Variants in RHOBTB3 observed in about 807,000 individuals in gnomAD.
RHOBTB3 encodes the protein Rho related BTB domain containing 3, also known as rho-related BTB domain-containing protein 3.
A neutral mutation model predicts 67.2 loss-of-function variants in RHOBTB3; 47 were observed. That is an observed-to-expected ratio of 0.70 (90% CI 0.55 to 0.89). The LOEUF (loss-of-function observed/expected upper bound fraction) is 0.89, where lower values mean the gene tolerates loss of function less well. Ranked by LOEUF, RHOBTB3 falls within the 40% of genes least tolerant of loss-of-function variation. The probability of loss-of-function intolerance (pLI) is 0.00; values close to 1 mark genes in which losing one functional copy is unlikely to be tolerated. For synonymous variants in RHOBTB3, 273 were observed against 274.2 expected (o/e 1.00, Z 0.04); for missense variants, 631 against 750.0 (o/e 0.84, Z 1.85).
At chr5:95,781,841 C>G (rs1305563975) in intron 9 of RHOBTB3, 1 of 120,702 alleles carries the variant, frequency 8.3e-6, no homozygotes, top group East Asian at 2.1e-4. Flanking sequence ...CCGAGTGAGA[C>G]TCCGTCTCAA....
At chr5:95,721,825 A>G (rs938636010) in intron 1 of RHOBTB3, among the ~76,000 whole-genome samples, 1 of 152,178 alleles carries the variant, frequency 6.6e-6, no homozygotes, top group African/African-American at 2.4e-5. Flanking sequence ...AAATTGTTAA[A>G]TGTTTCAGCT....
chr5:95,764,298 C>T (rs1745481038), intron 7 of RHOBTB3, among the ~76,000 whole-genome samples: 1 of 152,174 alleles, frequency 6.6e-6, no homozygotes, highest in African/African-American at 2.4e-5. Context: ...TGCCTTCTCA[C>T]TCCTCACAAT....
At chr5:95,736,448 G>A (rs900884657) in intron 2 of RHOBTB3, among the ~76,000 whole-genome samples, 83 of 152,198 alleles carry the variant, frequency 5.5e-4, no homozygotes, top group Admixed American at 4.6e-4. Flanking sequence ...AATTTAAAAT[G>A]TATTGCAGTT....
intron 3 of RHOBTB3, among the ~76,000 whole-genome samples, chr5:95,746,851 G>T (rs777602644): frequency 2.0e-5 from 3 of 152,126 alleles, no homozygotes; most frequent in Non-Finnish European, 4.4e-5. Context: ...AATTATCTAA[G>T]CCATGTGTGT....
At chr5:95,739,364 G>A (rs1755539291) in intron 3 of RHOBTB3, among the ~76,000 whole-genome samples, 1 of 151,932 alleles carries the variant, frequency 6.6e-6, no homozygotes, top group Admixed American at 6.6e-5. Context: ...CTTCTTTTTG[G>A]TCTCTTTAAG....
intron 1 of RHOBTB3, among the ~76,000 whole-genome samples, chr5:95,720,732 A>C (rs1050015450): frequency 6.6e-6 from 1 of 152,060 alleles, no homozygotes; most frequent in African/African-American, 2.4e-5. Context: ...TTTTGTTCAT[A>C]GATAGACTCG....
chr5:95,731,416 G>T lies in RHOBTB3; in HGVS notation c.-267G>T. ...AGCTGCGTCCACTTGGGGCTGTGCG[G>T]CGGTCCCGCGCCCGGCGATGTTCCC... On this transcript the variant is annotated 5_prime_UTR_variant, in exon 1 of 12. Coordinates refer to ENST00000379982, the MANE Select transcript of RHOBTB3 (RefSeq NM_014899.4). 8.4e-7 allele frequency: 1 copy of T among 1,189,452 alleles called. No homozygotes were observed. Among genetic ancestry groups the T allele is most frequent in the African/African-American group, 1.6e-5 (1 of 62,408 alleles). The allele number at this position is 1,189,452 out of a possible 1,614,324, so 73.7% of individuals were successfully genotyped here.
chr5:95,731,584 G>GA lies in RHOBTB3; in HGVS notation c.-98dup, dbSNP rs932453073. 16 of 1,565,346 alleles carry GA rather than the reference G, an allele frequency of 1.0e-5. No homozygotes were observed. The highest frequency in any genetic ancestry group is 1.4e-5 in the Non-Finnish European group (16 of 1,156,100). ...GGCGCGCGAGGGGGACGCGGCCGGG[G>GA]ATGAGCGGATTGCGGGTGAACTCGC... On this transcript the variant is annotated 5_prime_UTR_variant, in exon 1 of 12. In the 5' UTR this introduces an upstream ATG that the reference lacks. Transcript: ENST00000379982.
intron 10 of RHOBTB3, among the ~76,000 whole-genome samples, chr5:95,787,146 C>G (rs1746245886): frequency 6.6e-6 from 1 of 152,142 alleles, no homozygotes; most frequent in African/African-American, 2.4e-5. Context: ...TTTCTGTGAC[C>G]TCCCTTTTCC....
intron 10 of RHOBTB3, among the ~76,000 whole-genome samples, chr5:95,787,259 A>G (rs1417670591): frequency 8.5e-5 from 13 of 152,136 alleles, no homozygotes; most frequent in Non-Finnish European, 1.5e-5. Flanking sequence ...TAAAAAGCTG[A>G]AGGTTCTTAT....
Position 95,748,394 on chromosome 5 carries a change from T to G in RHOBTB3, c.477T>G (p.Thr159=), listed in dbSNP as rs773687458. Residue 159 remains threonine (T), a synonymous_variant, in exon 4 of 12, where the codon ACT becomes ACG. Coordinates refer to ENST00000379982, the MANE Select transcript of RHOBTB3 (RefSeq NM_014899.4). ...TSDRGSCVST[T]EGIQLAKELG... Reference sequence around the variant, plus strand: ...ACAGAGGGAGCTGTGTTAGTACAACTGAAGGGATCCAACTTGCAAAAGAAC... The same window carrying G: ...ACAGAGGGAGCTGTGTTAGTACAACGGAAGGGATCCAACTTGCAAAAGAAC... 2 of 1,613,610 alleles carry G rather than the reference T, an allele frequency of 1.2e-6. No individual in the cohort carries two copies. Among genetic ancestry groups the G allele is most frequent in the Admixed American group, 1.7e-5 (1 of 60,026 alleles).
At chr5:95,782,825 A>G (rs1042248479) in intron 9 of RHOBTB3, 1 of 108,474 alleles carries the variant, frequency 9.2e-6, no homozygotes, top group Non-Finnish European at 1.9e-5. Context: ...AAAAAAAAAA[A>G]AAAAAAAAAG....
rs372308237 is a variant in RHOBTB3 at position 95,752,331 on chromosome 5, A to G, written c.663A>G (p.Pro221=). The G allele has an allele frequency of 1.9e-6, 3 of 1,602,678 alleles. No individual in the cohort carries two copies. The highest frequency in any genetic ancestry group is 3.4e-5 in the Admixed American group (2 of 58,004). The part of the protein sequence containing the change: ...KMSNSFHGIR[P]PQLEQPEKMP... ...GCAACTCCTTTCATGGAATTAGACCACCTCAACTTGAACAACCAGGTGCAT... is the reference window on the plus strand; with the variant it reads ...GCAACTCCTTTCATGGAATTAGACCGCCTCAACTTGAACAACCAGGTGCAT... The change falls in exon 5 of 12, where the codon CCA becomes CCG. Residue 221 remains proline, a synonymous_variant. Transcript: ENST00000379982.
rs554836489 is a variant in RHOBTB3 at position 95,721,883 on chromosome 5, T to C, written n.133+4118T>C. ...AAGGACTATTCATGAGGGGTAGAAC[T>C]GCCAACCTAATATATAATGGCATTA... On this transcript the variant is annotated intron_variant and non_coding_transcript_variant, in intron 1 of 5. Transcript: ENST00000504949. Among the ~76,000 whole-genome samples the C allele has an allele frequency of 3.3e-5, 5 of 152,256 alleles. No individual in the cohort carries two copies. In the East Asian group the frequency reaches 9.6e-4, roughly 29 times the overall value.
intron 3 of RHOBTB3, among the ~76,000 whole-genome samples, chr5:95,746,933 G>T: frequency 6.6e-6 from 1 of 152,164 alleles, no homozygotes; most frequent in Non-Finnish European, 1.5e-5. Flanking sequence ...GCGTATACCC[G>T]ATATTTACAT....
intron 1 of RHOBTB3, among the ~76,000 whole-genome samples, chr5:95,723,190 A>G (rs899398230): frequency 4.6e-5 from 7 of 152,210 alleles, no homozygotes; most frequent in African/African-American, 1.7e-4. Context: ...ACTTAAAAAA[A>G]AAAAGATAGC....
chr5:95,783,561 CAAAAAAAAAA>C (rs201633409), intron 9 of RHOBTB3: 43 of 107,624 alleles, frequency 4.0e-4, no homozygotes, highest in Non-Finnish European at 5.7e-4. Flanking sequence ...CCTGTCTCTA[CAAAAAAAAAA>C]AAAAAAAAAA....
intron 2 of RHOBTB3, among the ~76,000 whole-genome samples, chr5:95,735,201 C>T (rs1246904343): frequency 6.6e-6 from 1 of 151,574 alleles, no homozygotes; most frequent in African/African-American, 2.4e-5. Context: ...CTTCTGCCCC[C>T]TTGCACCCTC....
chr5:95,725,679 A>G (rs1755032695), intron 1 of RHOBTB3, among the ~76,000 whole-genome samples: 1 of 152,226 alleles, frequency 6.6e-6, no homozygotes, highest in Non-Finnish European at 1.5e-5. Flanking sequence ...AAAATTTACT[A>G]CTTGTATAAC....
Sources: allele counts gnomAD v4.1 joint callset (sites outside exome capture counted in the v4.1 genomes callset), GRCh38; gene constraint gnomAD v4.1.1; transcripts MANE v1.5; gene names NCBI Gene and HGNC (gene_info 2026-07-23, HGNC 2026-07-21).